Variants in KNL1 observed in about 807,000 individuals in gnomAD.
KNL1 encodes outer kinetochore KNL1 complex subunit KNL1.
Under a neutral mutation model 201.3 loss-of-function variants are expected in KNL1, and 66 were observed. The ratio of observed to expected loss-of-function variants is 0.33; its 90% CI spans 0.27 to 0.40. The LOEUF (loss-of-function observed/expected upper bound fraction) is 0.40. KNL1 is among the 10% of genes least tolerant of loss of function. KNL1 has a pLI of 1.00. For synonymous variants in KNL1, 895 were observed against 899.2 expected (o/e 1.00, Z 0.08); for missense variants, 2,815 against 2,690.5 (o/e 1.05, Z -1.02).
At chr15:40,612,828 T>G (rs543299070) in intron 7 of KNL1, among the ~76,000 whole-genome samples, 4 of 152,270 alleles carry the variant, frequency 2.6e-5, no homozygotes, top group East Asian at 3.9e-4. Flanking sequence ...AAAAAAGAGA[T>G]ATTTTTATCC....
chr15:40,661,475 A>G (rs1477183792), intron 25 of KNL1, among the ~76,000 whole-genome samples: 1 of 152,142 alleles, frequency 6.6e-6, no homozygotes, highest in Non-Finnish European at 1.5e-5. Context: ...CAACCTGGGC[A>G]ACAGAGCAAG....
chr15:40,658,948 A>G (rs1893823155), intron 24 of KNL1, among the ~76,000 whole-genome samples: 1 of 147,826 alleles, frequency 6.8e-6, no homozygotes, highest in African/African-American at 2.5e-5. Context: ...AAAAAGAAAA[A>G]GAAAAGAAAT....
chr15:40,657,394 C>G lies in KNL1; in HGVS notation c.6634C>G (p.Leu2212Val). 3.1e-6 allele frequency: 5 copies of G among 1,608,586 alleles called. No individual in the cohort carries two copies. The highest frequency in any genetic ancestry group is 4.3e-6 in the Non-Finnish European group (5 of 1,174,932). The change falls in exon 24 of 26, where the codon CTC becomes GTC. Residue 2212 changes from leucine (L) to valine (V), a missense_variant. By Grantham distance (32) the Leu-to-Val change is conservative (BLOSUM62 1). Transcript: ENST00000399668. The stretch of plus-strand genomic sequence containing the variant: ...CTCACTGGTAGTGCACCATTGCAGA[C>G]TCCTTGGAGAGGAGATTGAGTATTT... ...EFSLVVHHCR[L>V]LGEEIEYLKR...
chr15:40,614,628 A>G (rs2141711358), intron 7 of KNL1, among the ~76,000 whole-genome samples: 1 of 152,306 alleles, frequency 6.6e-6, no homozygotes, highest in East Asian at 1.9e-4. Flanking sequence ...GTCCAAGTGC[A>G]TGTTTAGCTT....
Position 40,622,364 on chromosome 15 carries a change from G to A in KNL1, c.2100G>A (p.Lys700=). ...AACAATCTTTGTTTTCTACCACAAA[G>A]CCATTATTTTCATCAGGACAGTTCT... The part of the protein sequence containing the change: ...SWEQSLFSTT[K]PLFSSGQFSM... The change falls in exon 10 of 26, where the codon AAG becomes AAA. Residue 700 remains lysine (K), a synonymous_variant. Coordinates refer to ENST00000399668, the MANE Select transcript of KNL1 (RefSeq NM_144508.5). 6.2e-7 allele frequency: 1 copy of A among 1,613,886 alleles called. No homozygotes were observed. Among genetic ancestry groups the A allele is most frequent in the Admixed American group, 1.7e-5 (1 of 59,988 alleles).
chr15:40,657,948 A>G (rs993879799), intron 24 of KNL1, among the ~76,000 whole-genome samples: 5 of 151,982 alleles, frequency 3.3e-5, no homozygotes, highest in African/African-American at 1.2e-4. Context: ...TTAAATGAAT[A>G]TATATATATA....
Position 40,622,808 on chromosome 15 carries a change from G to T in KNL1, c.2544G>T (p.Trp848Cys). ...AGGAAAAGCAAAATGTCAAAATTTGGGGAAGGAAAAGTGTTGGTGGACCAA... is the reference window on the plus strand; with the variant it reads ...AGGAAAAGCAAAATGTCAAAATTTGTGGAAGGAAAAGTGTTGGTGGACCAA... ...FPKEKQNVKIWGRKSVGGPKI... is the reference protein window; with the variant it reads ...FPKEKQNVKICGRKSVGGPKI... Residue 848 changes from tryptophan to cysteine, a missense_variant, in exon 10 of 26, where the codon TGG becomes TGT. Around this residue, in one of 3 missense-constraint regions of KNL1, gnomAD observed 2,464 missense variants for 2,291.7 expected, o/e 1.08. Transcript: ENST00000399668. 1 of 1,612,978 alleles carries T rather than the reference G, an allele frequency of 6.2e-7. No homozygotes were observed. The highest frequency in any genetic ancestry group is 1.1e-5 in the South Asian group (1 of 90,946).
chr15:40,644,928 A>T, intron 14 of KNL1, 69 bp from the exon 15 acceptor site: 1 of 955,446 alleles, frequency 1.0e-6, no homozygotes, highest in Non-Finnish European at 1.6e-6. Flanking sequence ...TTTCCTTTCT[A>T]CATAGACACA....
Position 40,617,750 on chromosome 15 carries a change from C to T in KNL1, c.323-1209C>T, listed in dbSNP as rs572577638. Reference sequence around the variant, plus strand: ...TTTTTTGCAGGCGGTGGGAGATACTCCTCCTTGAGGAGCACAGCTACCCCA... The same window carrying T: ...TTTTTTGCAGGCGGTGGGAGATACTTCTCCTTGAGGAGCACAGCTACCCCA... On this transcript the variant is annotated intron_variant, in intron 8 of 25. Coordinates refer to ENST00000399668, the MANE Select transcript of KNL1 (RefSeq NM_144508.5). Among the ~76,000 whole-genome samples, 14 of 151,998 alleles carry T rather than the reference C, an allele frequency of 9.2e-5. No individual in the cohort carries two copies. The East Asian group carries it at 2.7e-3, about 29-fold the overall frequency.
chr15:40,656,985 T>C, intron 22 of KNL1, 57 bp from the exon 23 acceptor site: 1 of 748,394 alleles, frequency 1.3e-6, no homozygotes, highest in South Asian at 2.0e-5. Context: ...TTCACTTATA[T>C]AAAATATATG....
intron 4 of KNL1, among the ~76,000 whole-genome samples, chr15:40,607,321 T>A (rs1256848104): frequency 6.6e-6 from 1 of 152,158 alleles, no homozygotes; most frequent in African/African-American, 2.4e-5. Flanking sequence ...ATCAGTATTC[T>A]TTTTTTTCAG....
chr15:40,659,778 C>A (rs926780940), intron 25 of KNL1, among the ~76,000 whole-genome samples: 9 of 151,880 alleles, frequency 5.9e-5, no homozygotes, highest in Non-Finnish European at 1.2e-4. Flanking sequence ...CCGCGCCCAG[C>A]AAGGACTACT....
At chr15:40,596,600 A>G (rs567667026) in intron 1 of KNL1, among the ~76,000 whole-genome samples, 1 of 151,974 alleles carries the variant, frequency 6.6e-6, no homozygotes, top group Non-Finnish European at 1.5e-5. Flanking sequence ...AAATAATCAC[A>G]CTTACTGATT....
intron 16 of KNL1, 136 bp from the exon 17 acceptor site, chr15:40,646,851 C>T (rs1053827582): frequency 3.7e-5 from 17 of 464,694 alleles, no homozygotes; most frequent in Admixed American, 7.7e-5. Flanking sequence ...AATGAGACTC[C>T]GCCTCAAAAA....
rs185728658 is a variant in KNL1, at chr15:40,598,599, A to G, written c.-18+4207A>G. Among the ~76,000 whole-genome samples, 12 of 152,120 alleles carry G rather than the reference A, an allele frequency of 7.9e-5. No individual in the cohort carries two copies. The East Asian group carries it at 2.1e-3, about 27-fold the overall frequency. ...CCCCTCCGGCCCCCCAAAAAAAACAAAAAAATGAGTGGGTTGGGGATATTG... is the reference window on the plus strand; with the variant it reads ...CCCCTCCGGCCCCCCAAAAAAAACAGAAAAATGAGTGGGTTGGGGATATTG... On this transcript the variant is annotated intron_variant, in intron 1 of 25. Transcript: ENST00000399668.
intron 22 of KNL1, among the ~76,000 whole-genome samples, 185 bp from the exon 23 acceptor site, chr15:40,656,857 G>A (rs995321063): frequency 2.0e-5 from 3 of 151,986 alleles, no homozygotes; most frequent in Non-Finnish European, 4.4e-5. Flanking sequence ...TGGTACTCCA[G>A]CCTGGGTGAC....
At chr15:40,630,205 T>C (rs8035775) in intron 13 of KNL1, among the ~76,000 whole-genome samples, 119,430 of 152,132 alleles carry the variant, frequency 0.79, 47,874 homozygotes, top group Non-Finnish European at 0.85. Flanking sequence ...AATCAACGCT[T>C]TCAATTGAAA....
At chr15:40,609,710 A>G (rs1892093813) in intron 5 of KNL1, among the ~76,000 whole-genome samples, 1 of 152,226 alleles carries the variant, frequency 6.6e-6, no homozygotes, top group Non-Finnish European at 1.5e-5. Flanking sequence ...CCAGGTATAT[A>G]GTGAGTGTTT....
chr15:40,621,086 T>G lies in KNL1; in HGVS notation c.822T>G (p.Phe274Leu). 6.2e-7 allele frequency: 1 copy of G among 1,613,262 alleles called. No homozygotes were observed. Among genetic ancestry groups the G allele is most frequent in the Non-Finnish European group, 8.5e-7 (1 of 1,179,674 alleles). Reference sequence around the variant, plus strand: ...ATAACAGTAATATTACTAGGCTCTTTAGAGAAAAAGATGATGGGATGAATT... The same window carrying G: ...ATAACAGTAATATTACTAGGCTCTTGAGAGAAAAAGATGATGGGATGAATT... ...DENNSNITRL[F>L]REKDDGMNFT... Residue 274 changes from phenylalanine (F) to leucine (L), a missense_variant, in exon 10 of 26, where the codon TTT becomes TTG. Phe to Leu is a conservative substitution (Grantham distance 22). Coordinates refer to ENST00000399668, the MANE Select transcript of KNL1 (RefSeq NM_144508.5).
Sources: allele counts gnomAD v4.1 joint callset (sites outside exome capture counted in the v4.1 genomes callset), GRCh38; gene constraint gnomAD v4.1.1; regional missense constraint gnomAD v4.1.1; transcripts MANE v1.5; gene names NCBI Gene and HGNC (gene_info 2026-07-23, HGNC 2026-07-21).